Variants in EBF1 observed in about 807,000 individuals in gnomAD.
The protein encoded by EBF1 is transcription factor COE1.
EBF1 carries 10 observed loss-of-function variants against 68.4 expected under a neutral mutation model. That is an observed-to-expected ratio of 0.15 (90% CI 0.09 to 0.25). The LOEUF is 0.25. EBF1 is among the 10% of genes least tolerant of loss of function. The pLI is 1.00. For missense variants in EBF1, 509 were observed against 794.4 expected (o/e 0.64, Z 4.32); for synonymous variants, 298 against 299.8 (o/e 0.99, Z 0.06).
intron 6 of EBF1, among the ~76,000 whole-genome samples, chr5:159,009,934 T>C (rs1484700308): frequency 6.6e-6 from 1 of 152,234 alleles, no homozygotes; most frequent in Non-Finnish European, 1.5e-5. Flanking sequence ...CATCAGAACT[T>C]ACTCCCTTTG....
chr5:159,044,980 C>A (rs1018003156), intron 6 of EBF1, among the ~76,000 whole-genome samples: 2 of 152,124 alleles, frequency 1.3e-5, no homozygotes, highest in Non-Finnish European at 2.9e-5. Context: ...TATTAAACAA[C>A]CTTAAGACCT....
At chr5:158,728,207 C>G (rs907688079) in intron 11 of EBF1, among the ~76,000 whole-genome samples, 2 of 152,210 alleles carry the variant, frequency 1.3e-5, no homozygotes, top group African/African-American at 4.8e-5. Flanking sequence ...GCCAAGAGGA[C>G]AGCCACTCGG....
chr5:159,070,245 G>T (rs893694426), intron 6 of EBF1, among the ~76,000 whole-genome samples: 2 of 152,068 alleles, frequency 1.3e-5, no homozygotes, highest in Non-Finnish European at 2.9e-5. Context: ...ATGTAACCTG[G>T]CATTCAACTC....
intron 6 of EBF1, among the ~76,000 whole-genome samples, chr5:159,010,342 C>T (rs1331316026): frequency 6.6e-6 from 1 of 152,222 alleles, no homozygotes; most frequent in African/African-American, 2.4e-5. Flanking sequence ...AAACCAATTT[C>T]TGCTCTTGCA....
chr5:158,801,072 T>C (rs1362206045), intron 8 of EBF1, among the ~76,000 whole-genome samples: 1 of 152,116 alleles, frequency 6.6e-6, no homozygotes, highest in African/African-American at 2.4e-5. Context: ...TGCCTCTTTT[T>C]TTAAATCCCT....
chr5:158,824,463 T>C (rs1785576894), intron 7 of EBF1, among the ~76,000 whole-genome samples: 1 of 152,228 alleles, frequency 6.6e-6, no homozygotes, highest in African/African-American at 2.4e-5. Context: ...ATAGATCTGC[T>C]CTCATAATGA....
intron 10 of EBF1, among the ~76,000 whole-genome samples, chr5:158,763,279 AC>A (rs1252324123): frequency 2.0e-5 from 3 of 152,098 alleles, no homozygotes; most frequent in Non-Finnish European, 4.4e-5. Context: ...ATTTGGGTGG[AC>A]CCCACTAAGT....
intron 6 of EBF1, among the ~76,000 whole-genome samples, chr5:158,866,230 C>T (rs1477101602): frequency 1.3e-5 from 2 of 152,162 alleles, no homozygotes; most frequent in Non-Finnish European, 2.9e-5. Flanking sequence ...TCCTTCAAAG[C>T]CTTCTTGCAG....
intron 6 of EBF1, among the ~76,000 whole-genome samples, chr5:158,921,304 A>T (rs1309198202): frequency 6.6e-6 from 1 of 152,220 alleles, no homozygotes; most frequent in African/African-American, 2.4e-5. Flanking sequence ...CTTATTCTGA[A>T]TTCAAATCTT....
chr5:158,850,495 G>T (rs1792419663), intron 6 of EBF1, among the ~76,000 whole-genome samples: 1 of 152,198 alleles, frequency 6.6e-6, no homozygotes, highest in South Asian at 2.1e-4. Context: ...GGAACTGTAT[G>T]AAAATTTCTG....
intron 6 of EBF1, among the ~76,000 whole-genome samples, chr5:159,025,485 C>T (rs1025032699): frequency 6.6e-6 from 1 of 152,184 alleles, no homozygotes; most frequent in African/African-American, 2.4e-5. Flanking sequence ...CATGACATGA[C>T]ATGCTTTATT....
At position 159,020,487 on chromosome 5, in the gene EBF1, G is replaced by A. The variant is rs542791939; in HGVS notation, c.554+52909C>T. ...CCTCTCTGGGACTTCACCCTCAATC[G>A]AGCGATGCGGACTCCTCTGCTCTCT... On this transcript the variant is annotated intron_variant, in intron 6 of 15. Coordinates refer to ENST00000313708, the MANE Select transcript of EBF1 (RefSeq NM_024007.5). Among the ~76,000 whole-genome samples, 22 of 152,178 alleles carry A rather than the reference G, an allele frequency of 1.4e-4. No homozygotes were observed. The South Asian group carries it at 3.7e-3, about 26-fold the overall frequency.
At chr5:158,902,931 G>T (rs937570681) in intron 6 of EBF1, among the ~76,000 whole-genome samples, 2 of 152,180 alleles carry the variant, frequency 1.3e-5, no homozygotes, top group African/African-American at 4.8e-5. Flanking sequence ...GCCAAAGGAC[G>T]GCTCTGGGGA....
chr5:158,834,924 G>C (rs1788417686), intron 7 of EBF1, among the ~76,000 whole-genome samples: 1 of 152,230 alleles, frequency 6.6e-6, no homozygotes, highest in Non-Finnish European at 1.5e-5. Flanking sequence ...TCTTCAGTCA[G>C]ATGTGCCAGG....
At chr5:158,974,171 C>A (rs1756235543) in intron 6 of EBF1, among the ~76,000 whole-genome samples, 1 of 152,186 alleles carries the variant, frequency 6.6e-6, no homozygotes, top group Admixed American at 6.5e-5. Flanking sequence ...AGTAGTTGCC[C>A]TATTCAGACT....
intron 10 of EBF1, among the ~76,000 whole-genome samples, chr5:158,743,698 G>A (rs949873826): frequency 5.9e-5 from 9 of 152,168 alleles, no homozygotes; most frequent in Middle Eastern, 3.2e-3. Context: ...AAGGCAATAC[G>A]AAGAATGGGG....
intron 6 of EBF1, among the ~76,000 whole-genome samples, chr5:158,954,967 A>G (rs537954354): frequency 6.6e-6 from 1 of 152,340 alleles, no homozygotes; most frequent in South Asian, 2.1e-4. Context: ...CCTGAAACTT[A>G]ACATGGAGTG....
intron 5 of EBF1, among the ~76,000 whole-genome samples, chr5:159,082,984 G>A (rs1475598026): frequency 6.6e-6 from 1 of 152,170 alleles, no homozygotes; most frequent in Non-Finnish European, 1.5e-5. Flanking sequence ...ATAGAGGGTA[G>A]GCCTGTGTGT....
chr5:159,006,278 G>A (rs1561773881), intron 6 of EBF1, among the ~76,000 whole-genome samples: 1 of 152,150 alleles, frequency 6.6e-6, no homozygotes, highest in Non-Finnish European at 1.5e-5. Context: ...GCTCTTTGGG[G>A]AGCTGGGTGA....
Sources: gnomAD v4.1 joint callset for allele counts (sites outside exome capture counted in the v4.1 genomes callset) on GRCh38, gnomAD v4.1.1 for gene constraint, MANE v1.5 for transcripts, NCBI Gene and HGNC (gene_info 2026-07-23, HGNC 2026-07-21) for gene names.